Variants in RAB5IF observed in about 807,000 individuals in gnomAD.
The protein encoded by RAB5IF is GEL complex subunit OPTI.
A neutral mutation model predicts 20.3 loss-of-function variants in RAB5IF; 15 were observed. The observed-to-expected ratio is 0.74, with a 90% CI of 0.50 to 1.14. The LOEUF (loss-of-function observed/expected upper bound fraction) is 1.14. Among genes scored for constraint, RAB5IF ranks in the 50% most tolerant of loss-of-function variants. The probability of loss-of-function intolerance (pLI) is 0.00; values close to 1 mark genes in which losing one functional copy is unlikely to be tolerated. For synonymous variants in RAB5IF, 67 were observed against 63.7 expected, an observed-to-expected ratio of 1.05 and a Z score of -0.25; for missense variants, 148 against 159.5, an observed-to-expected ratio of 0.93 and a Z score of 0.39.
At position 36,609,195 on chromosome 20, in the gene RAB5IF, G is replaced by GAACTATATTA. The variant is rs1568595472; in HGVS notation, c.219-406_219-405insAACTATATTA. On this transcript the variant is annotated intron_variant, in intron 2 of 3. Coordinates refer to ENST00000344795, the MANE Select transcript of RAB5IF (RefSeq NM_018840.5). ...CACACACACACACACACACACACAC[G>GAACTATATTA]CACACACGCACACACGCACACACGC... 4.1e-4 allele frequency among the ~76,000 whole-genome samples: 14 copies of GAACTATATTA among 34,042 alleles called. 2 individuals carry two copies. The Middle Eastern group carries it at 0.045, about 111-fold the overall frequency. The allele number at this position is 34,042 out of a possible 152,430, so 22.3% of individuals were successfully genotyped here. A position where few individuals can be genotyped will look rare whatever the true frequency, so the allele number is the denominator to read the frequency against.
chr20:36,609,155 T>TTACATACATACATATACACA (rs1391305214), intron 2 of RAB5IF, among the ~76,000 whole-genome samples: 1 of 25,216 alleles, frequency 4.0e-5, no homozygotes, highest in Non-Finnish European at 9.4e-5. Context: ...GAGAACTATA[T>TTACATACATACATATACACA]TACACACACA....
At chr20:36,609,575 T>G (rs370701317) in intron 2 of RAB5IF, 26 bp from the exon 3 acceptor site, 107 of 1,552,150 alleles carry the variant, frequency 6.9e-5, no homozygotes, top group Non-Finnish European at 8.4e-5. Flanking sequence ...CAATTTATGT[T>G]TGGTACTTGT....
intron 2 of RAB5IF, among the ~76,000 whole-genome samples, chr20:36,608,594 TTCTC>T (rs1049136067): frequency 4.7e-5 from 7 of 149,296 alleles, no homozygotes; most frequent in Non-Finnish European, 1.0e-4. Flanking sequence ...GACAGAGTCT[TTCTC>T]TGTCGCCCAG....
At chr20:36,609,203 GCACACA>G (rs1568595543) in intron 2 of RAB5IF, among the ~76,000 whole-genome samples, 2 of 34,612 alleles carry the variant, frequency 5.8e-5, no homozygotes, top group Non-Finnish European at 1.1e-4. Flanking sequence ...ACGCACACAC[GCACACA>G]CGCACACACG....
At chr20:36,609,197 A>ACACACACACACACACACACACT (rs2039028020) in intron 2 of RAB5IF, among the ~76,000 whole-genome samples, 1 of 54,582 alleles carries the variant, frequency 1.8e-5, no homozygotes. Context: ...ACACACACGC[A>ACACACACACACACACACACACT]CACACGCACA....
Position 36,609,693 on chromosome 20 carries a change from C to G in RAB5IF, c.311C>G (p.Thr104Arg). The G allele has an allele frequency of 1.2e-6, 2 of 1,614,140 alleles. No individual in the cohort carries two copies. Among genetic ancestry groups the G allele is most frequent in the Admixed American group, 1.7e-5 (1 of 60,012 alleles). Residue 104 changes from threonine to arginine, a missense_variant, in exon 3 of 4, where the codon ACG becomes AGG. Coordinates refer to ENST00000344795, the MANE Select transcript of RAB5IF (RefSeq NM_018840.5). ...GAATATGGTGGCACGTGGGAGCTCA[C>G]GAAGGAAGGGTTTATGACCTCTTTT... is the stretch of plus-strand genomic sequence containing the variant. ...EEEYGGTWEL[T>R]KEGFMTSFAL...
At chr20:36,609,151 TATATTA>T in intron 2 of RAB5IF, among the ~76,000 whole-genome samples, 1 of 91,536 alleles carries the variant, frequency 1.1e-5, no homozygotes, top group Admixed American at 1.3e-4. Context: ...TTTGGAGAAC[TATATTA>T]CACACACACA....
At position 36,612,098 on chromosome 20, in the gene RAB5IF, T is replaced by C. The variant is rs1568597631; in HGVS notation, c.*47T>C. The stretch of plus-strand genomic sequence containing the variant: ...TCCCTATCCAGTCCAAAGGACCCTC[T>C]TGATTACAGCACAGGAACTTGATCG... On this transcript the variant is annotated 3_prime_UTR_variant, in exon 4 of 4. Coordinates refer to ENST00000344795, the MANE Select transcript of RAB5IF (RefSeq NM_018840.5). 1 of 1,614,204 alleles carries C rather than the reference T, an allele frequency of 6.2e-7. No individual in the cohort carries two copies. Among genetic ancestry groups the C allele is most frequent in the Admixed American group, 1.7e-5 (1 of 60,026 alleles).
chr20:36,609,807 T>C, intron 3 of RAB5IF, 77 bp downstream of exon 3: 1 of 1,613,324 alleles, frequency 6.2e-7, no homozygotes, highest in Non-Finnish European at 8.5e-7. Context: ...ACCCCACTGA[T>C]TGAGTTACAC....
chr20:36,606,776 C>G (rs894827402), intron 1 of RAB5IF, among the ~76,000 whole-genome samples: 4 of 152,182 alleles, frequency 2.6e-5, no homozygotes, highest in African/African-American at 9.7e-5. Flanking sequence ...CTTCGTAACT[C>G]TGCTCCATGA....
intron 3 of RAB5IF, among the ~76,000 whole-genome samples, chr20:36,611,493 CAAAAAAAAAAA>C (rs60975859): frequency 2.1e-5 from 1 of 46,522 alleles, no homozygotes; most frequent in African/African-American, 6.9e-5. Flanking sequence ...CAGCAGGACT[CAAAAAAAAAAA>C]AAAAAAAAAA....
At chr20:36,608,131 G>A in intron 2 of RAB5IF, 1 of 407,114 alleles carries the variant, frequency 2.5e-6, no homozygotes, top group South Asian at 2.1e-5. Flanking sequence ...TGTGACCTTT[G>A]TACCTGTGCG....
intron 2 of RAB5IF, chr20:36,608,026 C>G: frequency 7.2e-7 from 1 of 1,391,152 alleles, no homozygotes; most frequent in Non-Finnish European, 9.6e-7. Flanking sequence ...TTCCTGCCTT[C>G]CTGAAGGCTG....
chr20:36,608,774 A>G (rs1250442378), intron 2 of RAB5IF, among the ~76,000 whole-genome samples: 2 of 151,796 alleles, frequency 1.3e-5, no homozygotes, highest in South Asian at 2.1e-4. Flanking sequence ...CATGTTGGCC[A>G]GGTTGGTCTT....
intron 1 of RAB5IF, 26 bp downstream of exon 1, chr20:36,606,091 G>A: frequency 7.5e-7 from 1 of 1,327,952 alleles, no homozygotes; most frequent in Non-Finnish European, 1.0e-6. Flanking sequence ...AACAGGGCGC[G>A]GGTGCGAGGA....
At chr20:36,611,934 A>T (rs1481415010) in intron 3 of RAB5IF, 76 bp from the exon 4 acceptor site, 21 of 1,594,266 alleles carry the variant, frequency 1.3e-5, no homozygotes, top group Non-Finnish European at 1.8e-5. Context: ...TTACATTCTC[A>T]TCTGGCATTT....
intron 2 of RAB5IF, 72 bp downstream of exon 2, chr20:36,607,890 G>A: frequency 6.3e-7 from 1 of 1,593,534 alleles, no homozygotes; most frequent in Non-Finnish European, 8.6e-7. Context: ...CCTGTTACAG[G>A]AAAGGCCATT....
intron 3 of RAB5IF, 103 bp downstream of exon 3, chr20:36,609,833 C>A: frequency 6.2e-7 from 1 of 1,606,518 alleles, no homozygotes; most frequent in Non-Finnish European, 8.5e-7. Flanking sequence ...GAGCAGGGTG[C>A]TATTTTTCTA....
chr20:36,606,080 G>A lies in RAB5IF; in HGVS notation c.114+15G>A, dbSNP rs1463210175. The A allele has an allele frequency of 8.5e-6, 12 of 1,405,926 alleles. No individual in the cohort carries two copies. Among genetic ancestry groups the A allele is most frequent in the Non-Finnish European group, 9.5e-6 (10 of 1,054,798 alleles). 87.1% of individuals were successfully genotyped at this position (1,405,926 alleles called of 1,614,324 possible). On this transcript the variant is annotated intron_variant, in intron 1 of 3. Coordinates refer to ENST00000344795, the MANE Select transcript of RAB5IF (RefSeq NM_018840.5). The stretch of plus-strand genomic sequence containing the variant: ...GGGAGGATAAGGTACGGTGGAGTCT[G>A]AACAGGGCGCGGGTGCGAGGAGTCG...
Sources: allele counts gnomAD v4.1 joint callset (sites outside exome capture counted in the v4.1 genomes callset), GRCh38; gene constraint gnomAD v4.1.1; transcripts MANE v1.5; gene names NCBI Gene and HGNC (gene_info 2026-07-23, HGNC 2026-07-21).